ZC4H2: variants seen among roughly 807,000 people sequenced by gnomAD.
ZC4H2 encodes zinc finger C4H2-type containing, also known as zinc finger C4H2 domain-containing protein.
For missense variants in ZC4H2, 137 were observed against 173.9 expected (o/e 0.79, Z 1.19); for synonymous variants, 84 against 66.3 (o/e 1.27, Z -1.30).
In ZC4H2 at chrX:65,032,734, T is replaced by TTTCTTTCC. The variant is rs558406108; in HGVS notation, c.-272+1894_-272+1895insGGAAAGAA. On this transcript the variant is annotated intron_variant, in intron 1 of 4. Coordinates refer to the ZC4H2 transcript ENST00000337990. ...GCTCTCCTCTAATGTTTCTTCTTTC[T>TTTCTTTCC]TTCCTTCCTTCCTTCCTTCCTTCCT... 2.1e-4 allele frequency among the ~76,000 whole-genome samples: 18 copies of TTTCTTTCC among 86,798 alleles called. 1 individual carries two copies. Among genetic ancestry groups the TTTCTTTCC allele is most frequent in the East Asian group, 1.8e-3 (5 of 2,760 alleles). The allele number at this position is 86,798 out of a possible 115,157, so 75.4% of individuals were successfully genotyped here.
chrX:64,922,058 T>C, intron 1 of ZC4H2, 70 bp from the exon 2 acceptor site: 1 of 1,165,661 alleles, frequency 8.6e-7, no homozygotes, highest in Non-Finnish European at 1.1e-6. Context: ...GCCAGGACTT[T>C]TTTTCTAAGC....
At chrX:64,973,954 T>C (rs1348680184) in intron 1 of ZC4H2, among the ~76,000 whole-genome samples, 1 of 111,774 alleles carries the variant, frequency 8.9e-6, no homozygotes, top group African/African-American at 3.3e-5. Context: ...AGTGTGTTTC[T>C]TTGTGTCAAT....
chrX:64,978,747 T>C (rs73213312), upstream of ZC4H2, among the ~76,000 whole-genome samples: 1 of 109,554 alleles, frequency 9.1e-6, no homozygotes, highest in African/African-American at 3.3e-5. Flanking sequence ...AAAAAAAAAA[T>C]ATATATATAT....
intron 1 of ZC4H2, among the ~76,000 whole-genome samples, chrX:64,952,426 G>A (rs986185985): frequency 3.6e-5 from 4 of 110,037 alleles, no homozygotes; most frequent in East Asian, 2.9e-4. Context: ...ACCCCATCAT[G>A]TCAGCCCAAA....
chrX:65,000,721 C>T (rs972801239), intron 1 of ZC4H2, among the ~76,000 whole-genome samples: 2 of 111,984 alleles, frequency 1.8e-5, no homozygotes, highest in East Asian at 5.6e-4. Context: ...ACTAGAATAA[C>T]CAGTTTAGAG....
rs987966135 is a variant in ZC4H2 at position 64,996,948 on chromosome X, A to C, written c.-272+37681T>G. ...ACAATATTTCAAGAAATAATGACTG[A>C]ATACTTCCAAAATTTGATGAAAGGC... On this transcript the variant is annotated intron_variant, in intron 1 of 4. Transcript: ENST00000337990. Among the ~76,000 whole-genome samples, 3 of 112,354 alleles carry C rather than the reference A, an allele frequency of 2.7e-5. No homozygotes were observed. In the Admixed American group the frequency reaches 2.8e-4, roughly 11 times the overall value.
intron 1 of ZC4H2, among the ~76,000 whole-genome samples, chrX:64,924,638 A>T: frequency 8.9e-6 from 1 of 111,785 alleles, no homozygotes; most frequent in Non-Finnish European, 1.9e-5. Context: ...AGGATGTGAA[A>T]TCTAAGCTGA....
chrX:64,919,006 T>G, intron 4 of ZC4H2, 36 bp downstream of exon 4: 1 of 1,132,680 alleles, frequency 8.8e-7, no homozygotes. Context: ...GGGAGGATAC[T>G]TTGCTTCCTC....
chrX:64,942,851 T>C (rs760567892), intron 1 of ZC4H2, among the ~76,000 whole-genome samples: 1 of 111,913 alleles, frequency 8.9e-6, no homozygotes, highest in South Asian at 3.8e-4. Flanking sequence ...TACCCAGTAA[T>C]GGGATTGCTG....
At chrX:64,979,147 C>T (rs1932036219), upstream of ZC4H2, among the ~76,000 whole-genome samples, 1 of 112,108 alleles carries the variant, frequency 8.9e-6, no homozygotes, top group African/African-American at 3.2e-5. Context: ...ACTTGTCTGA[C>T]ATCACCCTAC....
At chrX:64,969,454 G>T (rs1458857689) in intron 1 of ZC4H2, among the ~76,000 whole-genome samples, 1 of 111,874 alleles carries the variant, frequency 8.9e-6, no homozygotes, top group Non-Finnish European at 1.9e-5. Context: ...TAGGTGAAAA[G>T]ATACTGTTTA....
At chrX:64,994,044 A>C (rs1468580717) in intron 1 of ZC4H2, among the ~76,000 whole-genome samples, 1 of 112,208 alleles carries the variant, frequency 8.9e-6, no homozygotes, top group Non-Finnish European at 1.9e-5. Context: ...GAATTTTAAA[A>C]TGTTTGTGTC....
intron 1 of ZC4H2, among the ~76,000 whole-genome samples, chrX:64,926,794 T>C (rs769366832): frequency 4.3e-4 from 48 of 111,619 alleles, no homozygotes; most frequent in Non-Finnish European, 8.3e-4. Flanking sequence ...AAAATATGGA[T>C]CAAAAATACA....
chrX:65,022,069 G>A (rs1208245129), intron 1 of ZC4H2, among the ~76,000 whole-genome samples: 2 of 111,534 alleles, frequency 1.8e-5, no homozygotes, highest in Non-Finnish European at 1.9e-5. Flanking sequence ...AGGTCCAGAC[G>A]GATTCACAGC....
intron 1 of ZC4H2, among the ~76,000 whole-genome samples, chrX:64,995,804 G>T (rs1932402108): frequency 8.9e-6 from 1 of 112,305 alleles, no homozygotes; most frequent in African/African-American, 3.2e-5. Context: ...ATGATGCAAG[G>T]TGCTCTTTTC....
chrX:64,919,304 C>A, intron 3 of ZC4H2, 100 bp from the exon 4 acceptor site: 1 of 1,009,508 alleles, frequency 9.9e-7, no homozygotes, highest in Non-Finnish European at 1.4e-6. Flanking sequence ...TGAGCTGTGG[C>A]TCATTCTAGA....
chrX:65,000,384 T>C (rs763763868), intron 1 of ZC4H2, among the ~76,000 whole-genome samples: 2 of 111,505 alleles, frequency 1.8e-5, no homozygotes, highest in African/African-American at 6.5e-5. Flanking sequence ...AGGAATAGCA[T>C]CAACATCAAC....
chrX:64,948,417 A>AT lies in ZC4H2; in HGVS notation c.54-26430dup, dbSNP rs755398677. 7.3e-3 allele frequency among the ~76,000 whole-genome samples: 801 copies of AT among 110,470 alleles called. 7 individuals are homozygous for AT. Among genetic ancestry groups the AT allele is most frequent in the Non-Finnish European group, 0.012 (651 of 52,642 alleles). ...TTTACGTTCTACCCCTTTGTTTCAC[A>AT]TTTTTTTTTGTGCACACTTAGGTAG... On this transcript the variant is annotated intron_variant, in intron 1 of 4. Transcript: ENST00000374839.
intron 1 of ZC4H2, among the ~76,000 whole-genome samples, chrX:64,939,901 A>C (rs1930189362): frequency 8.9e-6 from 1 of 111,901 alleles, no homozygotes; most frequent in African/African-American, 3.2e-5. Context: ...AACACCAAAA[A>C]TAATGGCACC....
Sources: gnomAD v4.1 joint callset for allele counts (sites outside exome capture counted in the v4.1 genomes callset) on GRCh38, gnomAD v4.1.1 for gene constraint, MANE v1.5 for transcripts, NCBI Gene and HGNC (gene_info 2026-07-23, HGNC 2026-07-21) for gene names.